CARM1: variants seen among roughly 807,000 people sequenced by gnomAD.
CARM1 encodes coactivator associated arginine methyltransferase 1.
CARM1 carries 14 observed loss-of-function variants against 72.7 expected under a neutral mutation model. That is an observed-to-expected ratio of 0.19 (90% CI 0.13 to 0.30). The LOEUF is 0.30. Among genes scored for constraint, CARM1 ranks in the 10% least tolerant of loss-of-function variants. The pLI, the probability that CARM1 is intolerant of heterozygous loss-of-function variation, is 1.00. For missense variants in CARM1, 432 were observed against 833.7 expected (o/e 0.52, Z 5.93); for synonymous variants, 333 against 345.5 (o/e 0.96, Z 0.40).
At position 10,913,523 on chromosome 19, in the gene CARM1, G is replaced by A. The variant is rs571518434; in HGVS notation, c.670-354G>A. On this transcript the variant is annotated intron_variant, in intron 5 of 15. Transcript: ENST00000327064. ...ACTACCACCTCCAGCCTGGGCAACA[G>A]AGTGAGAATCTGTCTCAAAGAAAAA... is the stretch of plus-strand genomic sequence containing the variant. Among the ~76,000 whole-genome samples, 455 of 151,740 alleles carry A rather than the reference G, an allele frequency of 3.0e-3. 1 individual carries two copies. Among genetic ancestry groups the A allele is most frequent in the African/African-American group, 0.011 (442 of 41,432 alleles).
chr19:10,878,264 C>T (rs1278942948), intron 1 of CARM1, among the ~76,000 whole-genome samples: 1 of 152,180 alleles, frequency 6.6e-6, no homozygotes, highest in African/African-American at 2.4e-5. Context: ...CCACAGTGTC[C>T]TGCAAAACCT....
At chr19:10,876,848 C>T (rs2073868357) in intron 1 of CARM1, among the ~76,000 whole-genome samples, 1 of 152,250 alleles carries the variant, frequency 6.6e-6, no homozygotes, top group African/African-American at 2.4e-5. Flanking sequence ...CTCACTTCCC[C>T]AGCCCTGTGG....
chr19:10,876,685 T>A (rs2073867089), intron 1 of CARM1, among the ~76,000 whole-genome samples: 1 of 152,258 alleles, frequency 6.6e-6, no homozygotes, highest in South Asian at 2.1e-4. Flanking sequence ...CAGGCCATTT[T>A]CCCTGTGCAG....
At chr19:10,902,125 T>TC (rs1226059698) in intron 1 of CARM1, among the ~76,000 whole-genome samples, 1 of 148,130 alleles carries the variant, frequency 6.8e-6, no homozygotes, top group Non-Finnish European at 1.5e-5. Flanking sequence ...ACACCTGTAG[T>TC]CCCCCAGCTA....
chr19:10,880,372 G>T (rs2073892559), intron 1 of CARM1, among the ~76,000 whole-genome samples: 1 of 151,892 alleles, frequency 6.6e-6, no homozygotes, highest in South Asian at 2.1e-4. Context: ...TTGAGACAGG[G>T]TCTTGCTGTG....
At chr19:10,913,021 G>C (rs1015232747) in intron 5 of CARM1, among the ~76,000 whole-genome samples, 2 of 152,068 alleles carry the variant, frequency 1.3e-5, no homozygotes, top group African/African-American at 4.8e-5. Flanking sequence ...CCCCCTCTTT[G>C]CAGCCACCAG....
At chr19:10,877,796 C>T (rs1299520026) in intron 1 of CARM1, among the ~76,000 whole-genome samples, 2 of 151,694 alleles carry the variant, frequency 1.3e-5, no homozygotes, top group Non-Finnish European at 2.9e-5. Flanking sequence ...GGCGCAATCT[C>T]GGCTCACTGC....
chr19:10,916,591 G>A lies in CARM1; in HGVS notation c.938+94G>A. On this transcript the variant is annotated intron_variant, in intron 7 of 15. Transcript: ENST00000327064. This position sits in a 1 kb window ranked among gnomAD's most constrained non-coding sequence, Gnocchi z 4.4. ...AGAGAGCCTGCACTCCTCTTTTTCT[G>A]AAAGACTTGGGCTAGATGAGGGCTG... The A allele has an allele frequency of 7.1e-7, 1 of 1,400,854 alleles. No homozygotes were observed. The highest frequency in any genetic ancestry group is 1.0e-6 in the Non-Finnish European group (1 of 1,004,078). 86.8% of individuals were successfully genotyped at this position (1,400,854 alleles called of 1,614,324 possible). A position where few individuals can be genotyped will look rare whatever the true frequency, so the allele number is the denominator to read the frequency against.
intron 1 of CARM1, among the ~76,000 whole-genome samples, chr19:10,875,076 G>A (rs1023283947): frequency 3.3e-5 from 5 of 151,964 alleles, no homozygotes; most frequent in African/African-American, 9.7e-5. Flanking sequence ...AGTGCTGGGT[G>A]TATTAATTTC....
rs544215570 is a variant in CARM1, at chr19:10,888,138, G to A, written c.220+16216G>A. Among the ~76,000 whole-genome samples, 3 of 152,344 alleles carry A rather than the reference G, an allele frequency of 2.0e-5. No homozygotes were observed. The South Asian group carries it at 6.2e-4, about 32-fold the overall frequency. On this transcript the variant is annotated intron_variant, in intron 1 of 15. Transcript: ENST00000327064. The stretch of plus-strand genomic sequence containing the variant: ...GGCCTAGTCCCCATAGAGAGCTGCA[G>A]CCCAGCTCCTGCCATGTGTCACAAT...
At position 10,915,898 on chromosome 19, in the gene CARM1, A is replaced by G. The variant is rs1033615863; in HGVS notation, c.848-509A>G. On this transcript the variant is annotated intron_variant, in intron 6 of 15. Coordinates refer to ENST00000327064, the MANE Select transcript of CARM1 (RefSeq NM_199141.2). This position sits in a 1 kb window ranked among gnomAD's most constrained non-coding sequence, Gnocchi z 4.6. ...ATCCTGCCGGCTGGGTGCCTGTGCC[A>G]GAACCTAGGCAGTCCCTGTGGTGTG... Among the ~76,000 whole-genome samples, 1 of 152,186 alleles carries G rather than the reference A, an allele frequency of 6.6e-6. No homozygotes were observed. The highest frequency in any genetic ancestry group is 1.5e-5 in the Non-Finnish European group (1 of 68,014).
chr19:10,889,727 C>T (rs183329065), intron 1 of CARM1, among the ~76,000 whole-genome samples: 21 of 152,262 alleles, frequency 1.4e-4, no homozygotes, highest in African/African-American at 4.6e-4. Flanking sequence ...TTTCCAAGCC[C>T]GGATCCAACC....
chr19:10,888,235 C>G (rs1351222794), intron 1 of CARM1, among the ~76,000 whole-genome samples: 1 of 152,178 alleles, frequency 6.6e-6, no homozygotes, highest in African/African-American at 2.4e-5. Flanking sequence ...CAGGGGTCAA[C>G]TAGCCTGGCC....
chr19:10,909,755 CAAAAA>C (rs565073272), intron 4 of CARM1, among the ~76,000 whole-genome samples: 2 of 151,408 alleles, frequency 1.3e-5, no homozygotes, highest in Non-Finnish European at 3.0e-5. Flanking sequence ...AACAAACAAA[CAAAAA>C]AAACAAAAAG....
At chr19:10,889,315 ATTTT>A (rs1229574072) in intron 1 of CARM1, among the ~76,000 whole-genome samples, 1 of 138,554 alleles carries the variant, frequency 7.2e-6, no homozygotes. Flanking sequence ...CAATTTGAGA[ATTTT>A]TTTTTTTTTT....
intron 1 of CARM1, among the ~76,000 whole-genome samples, chr19:10,899,048 T>C (rs1233939812): frequency 2.6e-5 from 4 of 151,206 alleles, no homozygotes; most frequent in Non-Finnish European, 5.9e-5. Context: ...TTTTTTTTTT[T>C]TTTTTGGTTT....
Position 10,915,540 on chromosome 19 carries a change from C to T in CARM1, c.848-867C>T. Among the ~76,000 whole-genome samples, 1 of 152,104 alleles carries T rather than the reference C, an allele frequency of 6.6e-6. No individual in the cohort carries two copies. The highest frequency in any genetic ancestry group is 1.9e-4 in the East Asian group (1 of 5,180). On this transcript the variant is annotated intron_variant, in intron 6 of 15. Transcript: ENST00000327064. The surrounding 1 kb of genome is among the most constrained non-coding windows in gnomAD (Gnocchi z 4.6). ...GTTCCTTCCAGGCTGGGTCACTTCC[C>T]ATGGTGCCCCCAGGTCCCCCAGGGC... is the stretch of plus-strand genomic sequence containing the variant.
chr19:10,913,029 C>G (rs1043810157), intron 5 of CARM1, among the ~76,000 whole-genome samples: 1 of 152,110 alleles, frequency 6.6e-6, no homozygotes, highest in Admixed American at 6.6e-5. Flanking sequence ...TTGCAGCCAC[C>G]AGCAGTTGTC....
intron 1 of CARM1, among the ~76,000 whole-genome samples, chr19:10,872,918 A>G (rs1477797079): frequency 6.6e-6 from 1 of 152,018 alleles, no homozygotes; most frequent in African/African-American, 2.4e-5. Context: ...ATTTTTTGCC[A>G]CTTTGGAAAC....
Sources: gnomAD v4.1 joint callset for allele counts (sites outside exome capture counted in the v4.1 genomes callset) on GRCh38, gnomAD v4.1.1 for gene constraint, Gnocchi (gnomAD v3.1) non-coding constraint, MANE v1.5 for transcripts, NCBI Gene and HGNC (gene_info 2026-07-23, HGNC 2026-07-21) for gene names.